Variants in ATP2B1 observed in about 807,000 individuals in gnomAD.
ATP2B1 encodes ATPase plasma membrane Ca2+ transporting 1, also known as plasma membrane calcium-transporting ATPase 1.
A neutral mutation model predicts 124.2 loss-of-function variants in ATP2B1; 14 were observed. The observed-to-expected ratio is 0.11, with a 90% CI of 0.07 to 0.18. The LOEUF is 0.18. Ranked by LOEUF, ATP2B1 falls within the 10% of genes least tolerant of loss-of-function variation. The pLI, the probability that ATP2B1 is intolerant of heterozygous loss-of-function variation, is 1.00. For missense variants in ATP2B1, 763 were observed against 1,466.1 expected (o/e 0.52, Z 7.83); for synonymous variants, 449 against 492.4 (o/e 0.91, Z 1.17).
chr12:89,638,063 A>ACCTG (rs1882967650), intron 3 of ATP2B1, among the ~76,000 whole-genome samples: 1 of 151,524 alleles, frequency 6.6e-6, no homozygotes, highest in African/African-American at 2.4e-5. Context: ...ATCCTTTCCT[A>ACCTG]CTGACAATGA....
At chr12:89,599,959 T>G (rs1427431499) in intron 19 of ATP2B1, among the ~76,000 whole-genome samples, 4 of 152,156 alleles carry the variant, frequency 2.6e-5, no homozygotes, top group African/African-American at 9.7e-5. Context: ...TGTAGTCAGC[T>G]ACAGAATTCT....
At chr12:89,695,277 T>A (rs952839280) in intron 1 of ATP2B1, among the ~76,000 whole-genome samples, 2 of 152,042 alleles carry the variant, frequency 1.3e-5, no homozygotes, top group Admixed American at 6.6e-5. Context: ...CAGCACCTGA[T>A]GAATCACTGC....
At chr12:89,668,625 TAAG>T (rs1418458155) in intron 1 of ATP2B1, among the ~76,000 whole-genome samples, 1 of 152,168 alleles carries the variant, frequency 6.6e-6, no homozygotes, top group African/African-American at 2.4e-5. Context: ...AGGGAGATAA[TAAG>T]GAGGGATTAC....
chr12:89,657,438 ACTGT>A (rs1359559922), intron 1 of ATP2B1, among the ~76,000 whole-genome samples: 1 of 152,242 alleles, frequency 6.6e-6, no homozygotes, highest in Non-Finnish European at 1.5e-5. Context: ...GCTGCTCATG[ACTGT>A]CTGGCTCCAT....
chr12:89,695,378 A>G (rs866426969), intron 1 of ATP2B1, among the ~76,000 whole-genome samples: 1 of 152,160 alleles, frequency 6.6e-6, no homozygotes, highest in Non-Finnish European at 1.5e-5. Flanking sequence ...AGCAGGTCAC[A>G]GTTGTTACGG....
intron 1 of ATP2B1, among the ~76,000 whole-genome samples, chr12:89,673,115 T>C (rs1888191792): frequency 6.6e-6 from 1 of 152,212 alleles, no homozygotes; most frequent in Non-Finnish European, 1.5e-5. Flanking sequence ...ACTTCCAAAC[T>C]GGTGAGCTGG....
At chr12:89,635,809 A>G (rs1023959983) in intron 3 of ATP2B1, among the ~76,000 whole-genome samples, 1 of 152,216 alleles carries the variant, frequency 6.6e-6, no homozygotes, top group African/African-American at 2.4e-5. Context: ...TTATAACATG[A>G]AAAGTTAAGC....
At chr12:89,701,648 A>G (rs80062404) in intron 1 of ATP2B1, among the ~76,000 whole-genome samples, 2,305 of 152,320 alleles carry the variant, frequency 0.015, 54 homozygotes, top group African/African-American at 0.052. Flanking sequence ...TGTTACTAGG[A>G]CAGTAGAATT....
rs748554929 is a variant in ATP2B1, at chr12:89,610,006, A to G, written c.2373T>C (p.Val791=). 2 of 1,613,778 alleles carry G rather than the reference A, an allele frequency of 1.2e-6. No homozygotes were observed. The highest frequency in any genetic ancestry group is 3.3e-5 in the Admixed American group (2 of 60,000). Residue 791 remains valine (V), a synonymous_variant, in exon 15 of 21, where the codon GTT becomes GTC. Transcript: ENST00000428670. ...IDSTVSDQRQ[V]VAVTGDGTND... ...TTGTACCATCACCAGTTACAGCTAC[A>G]ACCTGGCGTTGGTCTGAGACAGTGC...
chr12:89,639,124 A>G (rs1489119413), intron 3 of ATP2B1, among the ~76,000 whole-genome samples: 2 of 152,240 alleles, frequency 1.3e-5, no homozygotes, highest in Admixed American at 1.3e-4. Flanking sequence ...AGATTTACAA[A>G]TAGATTCCTT....
intron 1 of ATP2B1, among the ~76,000 whole-genome samples, chr12:89,700,137 A>G (rs1011607989): frequency 2.0e-5 from 3 of 151,676 alleles, no homozygotes; most frequent in Non-Finnish European, 4.4e-5. Flanking sequence ...TACAGGCAGG[A>G]GCCACTGCGC....
At chr12:89,636,122 T>A (rs1882658530) in intron 3 of ATP2B1, among the ~76,000 whole-genome samples, 1 of 151,114 alleles carries the variant, frequency 6.6e-6, no homozygotes, top group African/African-American at 2.4e-5. Context: ...AGCTACCAAA[T>A]ATTGGTAGAG....
At chr12:89,703,228 A>T (rs1426272812) in intron 1 of ATP2B1, among the ~76,000 whole-genome samples, 2 of 152,222 alleles carry the variant, frequency 1.3e-5, no homozygotes, top group Non-Finnish European at 2.9e-5. Context: ...CTTAAAGAGG[A>T]AAATTATTAA....
intron 1 of ATP2B1, among the ~76,000 whole-genome samples, chr12:89,673,527 A>G (rs1172550830): frequency 6.6e-6 from 1 of 152,214 alleles, no homozygotes; most frequent in African/African-American, 2.4e-5. Context: ...CTGGTCGTAT[A>G]TAACAGTTAC....
intron 1 of ATP2B1, among the ~76,000 whole-genome samples, chr12:89,704,483 A>G (rs2136899141): frequency 6.6e-6 from 1 of 152,228 alleles, no homozygotes; most frequent in Non-Finnish European, 1.5e-5. Flanking sequence ...ACTTTCATAA[A>G]CTTACATAAA....
intron 1 of ATP2B1, among the ~76,000 whole-genome samples, chr12:89,659,177 TC>T (rs1886365589): frequency 6.6e-6 from 1 of 152,234 alleles, no homozygotes; most frequent in South Asian, 2.1e-4. Context: ...CTCTTTGTTT[TC>T]TAATAGAATT....
chr12:89,598,726 A>C, intron 20 of ATP2B1: 1 of 1,614,054 alleles, frequency 6.2e-7, no homozygotes, highest in South Asian at 1.1e-5. Flanking sequence ...CACTCTGGAA[A>C]GCATTCACTA....
At chr12:89,700,860 T>A (rs1187595070) in intron 1 of ATP2B1, among the ~76,000 whole-genome samples, 3 of 152,232 alleles carry the variant, frequency 2.0e-5, no homozygotes, top group African/African-American at 7.2e-5. Context: ...TCAATAGCAG[T>A]GCACCTGTAA....
In ATP2B1 at chr12:89,635,251, A is replaced by T; in HGVS notation, c.407T>A (p.Leu136His). The T allele has an allele frequency of 6.2e-7, 1 of 1,608,698 alleles. No homozygotes were observed. The highest frequency in any genetic ancestry group is 8.5e-7 in the Non-Finnish European group (1 of 1,178,128). ...CTCCCCAACAGAAACTTCTCCACAA[A>T]CTATTTGGAAAGAAAGAAAATGCTT... is the stretch of plus-strand genomic sequence containing the variant. ...FYQPPEGDNA[L>H]CGEVSVGEEE... The change falls in exon 4 of 21, where the codon CTT (leucine) becomes CAT (histidine). Residue 136 changes from leucine (L) to histidine (H), a missense_variant and splice_region_variant. By Grantham distance (99) the Leu-to-His change is moderately conservative (BLOSUM62 -3). Around this residue, in one of 7 missense-constraint regions of ATP2B1, gnomAD observed 392 missense variants for 776.6 expected, o/e 0.50. Transcript: ENST00000428670.
Sources: gnomAD v4.1 joint callset for allele counts (sites outside exome capture counted in the v4.1 genomes callset) on GRCh38, gnomAD v4.1.1 for gene constraint, gnomAD v4.1.1 regional missense constraint, MANE v1.5 for transcripts, NCBI Gene and HGNC (gene_info 2026-07-23, HGNC 2026-07-21) for gene names.